COG6: variants seen among roughly 807,000 people sequenced by gnomAD.
The protein encoded by COG6 is conserved oligomeric Golgi complex subunit 6.
In COG6, 74 loss-of-function variants were observed where a neutral mutation model predicts 88.8. The ratio of observed to expected loss-of-function variants is 0.83; its 90% CI spans 0.69 to 1.01. COG6 has a LOEUF of 1.01. Among genes scored for constraint, COG6 ranks in the 50% least tolerant of loss-of-function variants. The pLI is 0.00. For synonymous variants in COG6, 286 were observed against 278.7 expected (o/e 1.03, Z -0.26); for missense variants, 800 against 797.9 (o/e 1.00, Z -0.03).
intron 18 of COG6, among the ~76,000 whole-genome samples, chr13:39,767,141 C>G (rs550849688): frequency 6.6e-6 from 1 of 152,168 alleles, no homozygotes; most frequent in Middle Eastern, 3.2e-3. Context: ...ACAATAAGCA[C>G]TCTGCATATT....
intron 18 of COG6, among the ~76,000 whole-genome samples, chr13:39,748,762 C>G (rs1593471606): frequency 6.6e-6 from 1 of 152,252 alleles, no homozygotes; most frequent in East Asian, 1.9e-4. Flanking sequence ...CTCAGCATGT[C>G]TTTCTTCTAC....
At chr13:39,688,558 C>G (rs1387777825) in intron 10 of COG6, among the ~76,000 whole-genome samples, 3 of 152,060 alleles carry the variant, frequency 2.0e-5, no homozygotes, top group Non-Finnish European at 4.4e-5. Context: ...AGGACAGCAC[C>G]AAGCCATTCA....
chr13:39,681,581 C>G (rs902197427), intron 7 of COG6, among the ~76,000 whole-genome samples: 1 of 152,076 alleles, frequency 6.6e-6, no homozygotes, highest in African/African-American at 2.4e-5. Flanking sequence ...GTGTGAAGTC[C>G]TTGTGTACCA....
Position 39,687,487 on chromosome 13 carries a change from A to G in COG6, c.789-16A>G, listed in dbSNP as rs1876719203. 1 of 1,610,104 alleles carries G rather than the reference A, an allele frequency of 6.2e-7. No homozygotes were observed. Among genetic ancestry groups the G allele is most frequent in the Non-Finnish European group, 8.5e-7 (1 of 1,176,604 alleles). ...AAACAACCCCAACCATTTTTTATAT[A>G]ACTTGTTTCTTCTAGATATACCTTA... On this transcript the variant is annotated splice_polypyrimidine_tract_variant and intron_variant, in intron 8 of 18. Transcript: ENST00000455146.
intron 4 of COG6, among the ~76,000 whole-genome samples, chr13:39,669,709 T>G (rs1315869888): frequency 1.3e-5 from 2 of 152,206 alleles, no homozygotes; most frequent in Non-Finnish European, 2.9e-5. Flanking sequence ...TATTAGAACA[T>G]TGTGCTTCTG....
intron 18 of COG6, among the ~76,000 whole-genome samples, chr13:39,745,763 A>G (rs1409625339): frequency 3.3e-5 from 5 of 152,144 alleles, no homozygotes; most frequent in African/African-American, 9.7e-5. Context: ...AAATCATGCT[A>G]CTATAAAGAC....
chr13:39,789,144 A>G (rs1382130257), exon 19 of COG6: 1 of 152,166 alleles, frequency 6.6e-6, no homozygotes, highest in Non-Finnish European at 1.5e-5. Context: ...CAGACCACTC[A>G]CACGTCTAAA....
At chr13:39,747,050 T>C (rs1880387324) in intron 18 of COG6, among the ~76,000 whole-genome samples, 1 of 152,188 alleles carries the variant, frequency 6.6e-6, no homozygotes, top group African/African-American at 2.4e-5. Flanking sequence ...CAGTTCAATA[T>C]TTGGTTTATA....
chr13:39,674,212 TC>T (rs1875825887), intron 4 of COG6, among the ~76,000 whole-genome samples: 1 of 109,710 alleles, frequency 9.1e-6, no homozygotes, highest in African/African-American at 3.4e-5. Context: ...CCCTCCCCCC[TC>T]CCCCTACCCC....
chr13:39,767,735 G>A (rs1010483647), intron 18 of COG6, among the ~76,000 whole-genome samples: 8 of 152,216 alleles, frequency 5.3e-5, no homozygotes, highest in African/African-American at 1.4e-4. Flanking sequence ...CTGCAGTCAT[G>A]TTCCTTTCAC....
chr13:39,714,944 C>G (rs1013030369), intron 13 of COG6, among the ~76,000 whole-genome samples: 2 of 150,694 alleles, frequency 1.3e-5, no homozygotes, highest in Non-Finnish European at 2.9e-5. Context: ...CTAAGTGAAG[C>G]AACTCAGGAA....
intron 18 of COG6, among the ~76,000 whole-genome samples, chr13:39,747,103 GCAA>G (rs1323348851): frequency 6.6e-6 from 1 of 152,048 alleles, no homozygotes; most frequent in Non-Finnish European, 1.5e-5. Context: ...CTTGTTCAAG[GCAA>G]CAATAAGTGG....
Position 39,689,829 on chromosome 13 carries a change from A to C in COG6, c.1074+5A>C. The C allele has an allele frequency of 1.2e-6, 2 of 1,603,506 alleles. No individual in the cohort carries two copies. The highest frequency in any genetic ancestry group is 1.3e-5 in the African/African-American group (1 of 74,854). On this transcript the variant is annotated splice_donor_5th_base_variant and intron_variant, in intron 11 of 18. Coordinates refer to ENST00000455146, the MANE Select transcript of COG6 (RefSeq NM_020751.3). ...GGTGTGTGCAGGCCTCTAAAGGTAAAATATTTTGTTTTTACATATGCTATA... is the reference window on the plus strand; with the variant it reads ...GGTGTGTGCAGGCCTCTAAAGGTAACATATTTTGTTTTTACATATGCTATA...
At chr13:39,655,927 G>A in intron 1 of COG6, 48 bp downstream of exon 1, 1 of 1,576,484 alleles carries the variant, frequency 6.3e-7, no homozygotes, top group Admixed American at 1.8e-5. Flanking sequence ...GCGGGGCTGA[G>A]CCGGGCCAGG....
intron 1 of COG6, chr13:39,656,876 A>T: frequency 4.4e-6 from 2 of 456,024 alleles, no homozygotes; most frequent in Non-Finnish European, 8.8e-6. Context: ...TTGAGGACTC[A>T]GTGAGAGACT....
chr13:39,655,632 G>GCATGCGCGGCCGATTTGCA (rs1374081770), upstream of COG6: 27 of 1,415,816 alleles, frequency 1.9e-5, no homozygotes, highest in African/African-American at 2.8e-5. Flanking sequence ...GGGCCGATGC[G>GCATGCGCGGCCGATTTGCA]CATGCGCGGC....
chr13:39,657,772 C>T (rs1044305839), intron 1 of COG6, among the ~76,000 whole-genome samples: 16 of 152,180 alleles, frequency 1.1e-4, no homozygotes, highest in African/African-American at 3.9e-4. Context: ...TCTCTGCTCT[C>T]TCTTCCATTC....
intron 18 of COG6, among the ~76,000 whole-genome samples, chr13:39,748,353 G>A (rs554547748): frequency 5.8e-4 from 89 of 152,234 alleles, no homozygotes; most frequent in African/African-American, 2.1e-3. Flanking sequence ...AGTGGCTCAT[G>A]CCTGTAATCC....
intron 2 of COG6, among the ~76,000 whole-genome samples, chr13:39,660,199 A>G (rs550291882): frequency 7.6e-4 from 115 of 152,280 alleles, no homozygotes; most frequent in Non-Finnish European, 1.2e-3. Context: ...AAAAAATTAC[A>G]TTAGAGATGG....
Sources: allele counts gnomAD v4.1 joint callset (sites outside exome capture counted in the v4.1 genomes callset), GRCh38; gene constraint gnomAD v4.1.1; transcripts MANE v1.5; gene names NCBI Gene and HGNC (gene_info 2026-07-23, HGNC 2026-07-21).